Variants in TEN1 observed in about 807,000 individuals in gnomAD.
TEN1 encodes TEN1 subunit of CST complex, also known as CST complex subunit TEN1.
TEN1 carries 6 observed loss-of-function variants against 9.3 expected under a neutral mutation model. The ratio of observed to expected loss-of-function variants is 0.65; its 90% CI spans 0.35 to 1.27. The LOEUF (loss-of-function observed/expected upper bound fraction) is 1.27, where lower values mean the gene tolerates loss of function less well. TEN1 is among the 50% of genes most tolerant of loss of function. The probability of loss-of-function intolerance (pLI) is 0.03; values close to 1 mark genes in which losing one functional copy is unlikely to be tolerated. For missense variants in TEN1, 149 were observed against 158.2 expected (o/e 0.94, Z 0.31); for synonymous variants, 65 against 65.6 (o/e 0.99, Z 0.04).
intron 3 of TEN1, among the ~76,000 whole-genome samples, chr17:75,995,784 C>T (rs904916169): frequency 6.6e-6 from 1 of 152,176 alleles, no homozygotes; most frequent in East Asian, 1.9e-4. Context: ...TCACTGCACC[C>T]CTGCACTTTG....
At chr17:75,989,363 A>G (rs897156102) in intron 2 of TEN1, among the ~76,000 whole-genome samples, 1 of 137,164 alleles carries the variant, frequency 7.3e-6, no homozygotes, top group Admixed American at 7.4e-5. Flanking sequence ...CTGCCTGCCT[A>G]GGCCTCCCAA....
At chr17:75,999,812 T>C (rs1052933686) in intron 3 of TEN1, among the ~76,000 whole-genome samples, 1 of 151,990 alleles carries the variant, frequency 6.6e-6, no homozygotes, top group Non-Finnish European at 1.5e-5. Context: ...TACCGGGAGC[T>C]CAGTCTCTTG....
chr17:75,987,951 T>C (rs1056117427), intron 2 of TEN1, among the ~76,000 whole-genome samples: 5 of 144,546 alleles, frequency 3.5e-5, no homozygotes, highest in African/African-American at 5.2e-5. Flanking sequence ...ACTAGTATTT[T>C]AACCTAGCCT....
intron 2 of TEN1, among the ~76,000 whole-genome samples, chr17:75,991,149 C>CAAAAAAAAAAAAAAA (rs71361699): frequency 1.7e-4 from 12 of 70,102 alleles, no homozygotes; most frequent in Middle Eastern, 8.3e-3. Context: ...GACTCCATCT[C>CAAAAAAAAAAAAAAA]AAAAAAAAAA....
In TEN1 at chr17:76,000,069, T is replaced by C. The variant is rs1396358938; in HGVS notation, c.251-72T>C. On this transcript the variant is annotated intron_variant, in intron 3 of 3. Coordinates refer to ENST00000397640, the MANE Select transcript of TEN1 (RefSeq NM_001113324.3). This position sits in a 1 kb window ranked among gnomAD's most constrained non-coding sequence, Gnocchi z 5.9. ...AGGACTGAGCTGTGGAGGGAACAGC[T>C]GGAATGCACCTTGGAGGACGTTGTT... 2.6e-6 allele frequency: 4 copies of C among 1,519,042 alleles called. No homozygotes were observed. The highest frequency in any genetic ancestry group is 3.5e-6 in the Non-Finnish European group (4 of 1,126,898). The allele number at this position is 1,519,042 out of a possible 1,614,324, so 94.1% of individuals were successfully genotyped here.
rs11309442 is a variant in TEN1 at position 75,992,046 on chromosome 17, C to CA, written c.250+445dup. ...TAGATGACAGAGTGAGACTCCGTCT[C>CA]AAAAAAAAAAAAAAAAAAAAAAGAC... On this transcript the variant is annotated intron_variant, in intron 3 of 3. Transcript: ENST00000397640. Among the ~76,000 whole-genome samples, 510 of 53,474 alleles carry CA rather than the reference C, an allele frequency of 9.5e-3. 11 individuals carry two copies. Among genetic ancestry groups the CA allele is most frequent in the Admixed American group, 0.029 (153 of 5,192 alleles). 35.1% of individuals were successfully genotyped at this position (53,474 alleles called of 152,430 possible).
chr17:75,979,700 G>A (rs2066101115), intron 1 of TEN1, among the ~76,000 whole-genome samples, 189 bp downstream of exon 1: 1 of 152,182 alleles, frequency 6.6e-6, no homozygotes, highest in Admixed American at 6.5e-5. Context: ...GAATTGCTAG[G>A]GAGGGTCACT....
In TEN1 at chr17:75,979,428, A is replaced by T; in HGVS notation, c.-90A>T. The T allele has an allele frequency of 2.5e-6, 1 of 403,884 alleles. No individual in the cohort carries two copies. Among genetic ancestry groups the T allele is most frequent in the Non-Finnish European group, 4.7e-6 (1 of 214,830 alleles). The allele number at this position is 403,884 out of a possible 1,614,324, so 25.0% of individuals were successfully genotyped here. ...CGTCCGGGGAGTGGGAAAATAAAGC[A>T]CTTTTTGTATCCCGCCCCTCCCCCG... On this transcript the variant is annotated 5_prime_UTR_variant, in exon 1 of 4. Transcript: ENST00000397640.
In TEN1 at chr17:75,991,559, G is replaced by A. The variant is rs574317726; in HGVS notation, c.186G>A (p.Val62=). The part of the protein sequence containing the change: ...QHQVLVCTKL[V]EPFHAQVGSL... ...AGGTTCTTGTCTGTACCAAGTTGGT[G>A]GAGCCCTTCCACGCCCAGGTGGGCT... The change falls in exon 3 of 4, where the codon GTG becomes GTA. Residue 62 remains valine (V), a synonymous_variant. Coordinates refer to ENST00000397640, the MANE Select transcript of TEN1 (RefSeq NM_001113324.3). 7 of 1,552,278 alleles carry A rather than the reference G, an allele frequency of 4.5e-6. No homozygotes were observed. The South Asian group carries it at 5.9e-5, about 13-fold the overall frequency.
rs1324521896 is a variant in TEN1 at position 76,000,112 on chromosome 17, C to T, written c.251-29C>T. On this transcript the variant is annotated intron_variant, in intron 3 of 3. Transcript: ENST00000397640. This position sits in a 1 kb window ranked among gnomAD's most constrained non-coding sequence, Gnocchi z 5.9. Reference sequence around the variant, plus strand: ...ACGTTGTTGACACGCCGCTCAGTCGCCGTTCGTGCCCTGGTGTTTGTCTTG... The same window carrying T: ...ACGTTGTTGACACGCCGCTCAGTCGTCGTTCGTGCCCTGGTGTTTGTCTTG... The T allele has an allele frequency of 3.2e-6, 5 of 1,547,246 alleles. No individual in the cohort carries two copies. The highest frequency in any genetic ancestry group is 4.4e-6 in the Non-Finnish European group (5 of 1,143,964).
intron 3 of TEN1, among the ~76,000 whole-genome samples, chr17:75,997,357 C>A (rs935744255): frequency 3.9e-5 from 6 of 152,250 alleles, no homozygotes; most frequent in African/African-American, 7.2e-5. Flanking sequence ...CCACACCCCC[C>A]TCCCCGGCGC....
At chr17:75,984,343 T>C (rs548616782) in intron 1 of TEN1, among the ~76,000 whole-genome samples, 15 of 152,350 alleles carry the variant, frequency 9.8e-5, no homozygotes, top group African/African-American at 3.4e-4. Flanking sequence ...GAAGAAATAA[T>C]GGTCGGCTTT....
intron 1 of TEN1, among the ~76,000 whole-genome samples, chr17:75,985,475 A>C (rs1281305314): frequency 6.6e-6 from 1 of 151,918 alleles, no homozygotes; most frequent in Non-Finnish European, 1.5e-5. Context: ...CATAGAGATG[A>C]AGTCTCACTA....
At position 76,000,147 on chromosome 17, in the gene TEN1, G is replaced by T; in HGVS notation, c.257G>T (p.Gly86Val). The change falls in exon 4 of 4, where the codon GGC (glycine) becomes GTC (valine). Residue 86 changes from glycine (G) to valine (V), a missense_variant. By Grantham distance (109) the Gly-to-Val change is moderately radical (BLOSUM62 -3). Transcript: ENST00000397640. The surrounding 1 kb of genome is among the most constrained non-coding windows in gnomAD (Gnocchi z 5.9). ...CCTGGTGTTTGTCTTGCAGACAGAG[G>T]CTCCGTGGTGAAGGCGCGCGTGCTG... ...LGELQHQQDRGSVVKARVLTC... is the reference protein window; with the variant it reads ...LGELQHQQDRVSVVKARVLTC... 1 of 1,551,154 alleles carries T rather than the reference G, an allele frequency of 6.4e-7. No individual in the cohort carries two copies. Among genetic ancestry groups the T allele is most frequent in the Non-Finnish European group, 8.7e-7 (1 of 1,146,770 alleles).
chr17:75,988,649 G>A (rs150208955), intron 2 of TEN1, among the ~76,000 whole-genome samples: 1 of 151,460 alleles, frequency 6.6e-6, no homozygotes, highest in East Asian at 1.9e-4. Flanking sequence ...CTGTATTGTA[G>A]CATTTATTTA....
chr17:75,991,418 G>T (rs2066185036), intron 2 of TEN1, 48 bp from the exon 3 acceptor site: 4 of 1,542,150 alleles, frequency 2.6e-6, no homozygotes, highest in Non-Finnish European at 3.5e-6. Flanking sequence ...GAGCGTGGTG[G>T]TGATTCTACG....
At chr17:75,995,039 T>C (rs1269544652) in intron 3 of TEN1, among the ~76,000 whole-genome samples, 1 of 151,944 alleles carries the variant, frequency 6.6e-6, no homozygotes, top group Non-Finnish European at 1.5e-5. Flanking sequence ...CTGGGCAACA[T>C]AGTGAGACCC....
At position 75,986,183 on chromosome 17, in the gene TEN1, A is replaced by G. The variant is rs1182418476; in HGVS notation, c.-6-4A>G. 1 of 1,542,692 alleles carries G rather than the reference A, an allele frequency of 6.5e-7. No homozygotes were observed. Among genetic ancestry groups the G allele is most frequent in the African/African-American group, 1.4e-5 (1 of 72,626 alleles). On this transcript the variant is annotated splice_region_variant and splice_polypyrimidine_tract_variant and intron_variant, in intron 1 of 3. Coordinates refer to ENST00000397640, the MANE Select transcript of TEN1 (RefSeq NM_001113324.3). ...CAAAATCCCTCTCAACTATTTGGTT[A>G]CAGGAGCCCATGATGCTGCCCAAAC...
At chr17:75,991,685 G>T in intron 3 of TEN1, 62 bp downstream of exon 3, 1 of 1,515,132 alleles carries the variant, frequency 6.6e-7, no homozygotes, top group Non-Finnish European at 8.8e-7. Flanking sequence ...AGTCTTCGGG[G>T]CAGTCAGTGA....
Sources: gnomAD v4.1 joint callset for allele counts (sites outside exome capture counted in the v4.1 genomes callset) on GRCh38, gnomAD v4.1.1 for gene constraint, Gnocchi (gnomAD v3.1) non-coding constraint, MANE v1.5 for transcripts, NCBI Gene and HGNC (gene_info 2026-07-23, HGNC 2026-07-21) for gene names.